Variants in DAXX observed in about 807,000 individuals in gnomAD.
DAXX encodes the protein death domain associated protein, also known as death domain-associated protein 6.
In DAXX, 24 loss-of-function variants were observed where a neutral mutation model predicts 61.9. The ratio of observed to expected loss-of-function variants is 0.39; its 90% CI spans 0.28 to 0.55. The LOEUF (loss-of-function observed/expected upper bound fraction) is 0.55, where lower values mean the gene tolerates loss of function less well. Among genes scored for constraint, DAXX ranks in the 20% least tolerant of loss-of-function variants. The probability of loss-of-function intolerance (pLI) is 0.69; values close to 1 mark genes in which losing one functional copy is unlikely to be tolerated. For synonymous variants in DAXX, 357 were observed against 369.5 expected (o/e 0.97, Z 0.39); for missense variants, 819 against 935.3 (o/e 0.88, Z 1.62).
At chr6:33,322,825 G>GC in intron 1 of DAXX, 37 bp downstream of exon 1, 1 of 552,296 alleles carries the variant, frequency 1.8e-6, no homozygotes. Context: ...CTATATCCCC[G>GC]CCCCCGCCTC....
At chr6:33,318,951 T>G (rs1295733720) in intron 7 of DAXX, 46 bp downstream of exon 7, 1 of 1,539,382 alleles carries the variant, frequency 6.5e-7, no homozygotes, top group Admixed American at 1.7e-5. Flanking sequence ...AAACAGCCAA[T>G]GAAAGAGAAC....
chr6:33,320,206 A>G lies in DAXX; in HGVS notation c.1270T>C (p.Ser424Pro). The G allele has an allele frequency of 1.2e-6, 2 of 1,610,618 alleles. No individual in the cohort carries two copies. Among genetic ancestry groups the G allele is most frequent in the Non-Finnish European group, 1.7e-6 (2 of 1,176,898 alleles). Residue 424 changes from serine (S) to proline (P), a missense_variant, in exon 5 of 8, where the codon TCC (serine) becomes CCC (proline). Coordinates refer to ENST00000374542, the MANE Select transcript of DAXX (RefSeq NM_001141969.2). The surrounding 1 kb of genome is among the most constrained non-coding windows in gnomAD (Gnocchi z 7.1). ...CTGGAGGCAGAAGGGCACCCCTGGG[A>G]TGCCATTCCACTAGGGCCCTGGGAG... is the stretch of plus-strand genomic sequence containing the variant. ...DSGEGPSGMA[S>P]QGCPSASRAE...
At position 33,321,186 on chromosome 6, in the gene DAXX, G is replaced by C. The variant is rs1426333886; in HGVS notation, c.589C>G (p.Leu197Val). The C allele has an allele frequency of 1.2e-6, 2 of 1,613,542 alleles. No homozygotes were observed. The highest frequency in any genetic ancestry group is 2.2e-5 in the South Asian group (2 of 91,078). The change falls in exon 3 of 8, where the codon CTC becomes GTC. Residue 197 changes from leucine to valine, a missense_variant. Coordinates refer to ENST00000374542, the MANE Select transcript of DAXX (RefSeq NM_001141969.2). This position sits in a 1 kb window ranked among gnomAD's most constrained non-coding sequence, Gnocchi z 7.2. ...AGCCGCCGGATCTCTGCCACATAGA[G>C]CGCCAGCAGCTGCTCCAAACGCTGG... ...QIQRLEQLLA[L>V]YVAEIRRLQE...
At position 33,321,627 on chromosome 6, in the gene DAXX, G is replaced by A; in HGVS notation, c.208-60C>T. On this transcript the variant is annotated intron_variant, in intron 2 of 7. Transcript: ENST00000374542. The surrounding 1 kb of genome is among the most constrained non-coding windows in gnomAD (Gnocchi z 7.2). Reference sequence around the variant, plus strand: ...AGACAAGGGAGGGGGTTGAGAGAAAGGGGAGGTGGGGTTAGTGGGAAAGAA... The same window carrying A: ...AGACAAGGGAGGGGGTTGAGAGAAAAGGGAGGTGGGGTTAGTGGGAAAGAA... 1 of 1,599,198 alleles carries A rather than the reference G, an allele frequency of 6.3e-7. No individual in the cohort carries two copies. Among genetic ancestry groups the A allele is most frequent in the Non-Finnish European group, 8.5e-7 (1 of 1,169,946 alleles).
At chr6:33,322,425 C>T (rs1770745064) in intron 1 of DAXX, among the ~76,000 whole-genome samples, 1 of 152,174 alleles carries the variant, frequency 6.6e-6, no homozygotes, top group Non-Finnish European at 1.5e-5. Context: ...AACTCCTAGA[C>T]TCTCTGAGGT....
chr6:33,319,526 G>A lies in DAXX; in HGVS notation c.1794C>T (p.Thr598=). 1 of 1,614,146 alleles carries A rather than the reference G, an allele frequency of 6.2e-7. No homozygotes were observed. Among genetic ancestry groups the A allele is most frequent in the Non-Finnish European group, 8.5e-7 (1 of 1,180,018 alleles). Reference sequence around the variant, plus strand: ...TGCCTGCTCCATTCTCTAAGACAGTGGTGAAGGGCTCCTCTGATTGCTTCC... The same window carrying A: ...TGCCTGCTCCATTCTCTAAGACAGTAGTGAAGGGCTCCTCTGATTGCTTCC... ...SSRKQSEEPF[T]TVLENGAGMV... The change falls in exon 6 of 8, where the codon ACC becomes ACT. Residue 598 remains threonine (T), a synonymous_variant. Transcript: ENST00000374542.
rs1320787172 is a variant in DAXX at position 33,321,040 on chromosome 6, G to A, written c.735C>T (p.Cys245=). 4.3e-6 allele frequency: 7 copies of A among 1,613,900 alleles called. No homozygotes were observed. The highest frequency in any genetic ancestry group is 5.1e-6 in the Non-Finnish European group (6 of 1,179,874). ...LFGRLCELKD[C]SSLTGRVIEQ... ...CTATGACACGGCCGGTCAGTGAAGA[G>A]CAGTCTTTCAGCTCACATAGTCGCC... Residue 245 remains cysteine, a synonymous_variant, in exon 3 of 8, where the codon TGC becomes TGT. Transcript: ENST00000374542. This position sits in a 1 kb window ranked among gnomAD's most constrained non-coding sequence, Gnocchi z 7.2.
rs1770645189 is a variant in DAXX at position 33,321,731 on chromosome 6, C to T, written c.195G>A (p.Lys65=). Reference sequence around the variant, plus strand: ...CGCTAAAGCTCACCTCTTCGAACAGCTTCTCATTCTCCAGCTTGTAGCATT... The same window carrying T: ...CGCTAAAGCTCACCTCTTCGAACAGTTTCTCATTCTCCAGCTTGTAGCATT... ...GKKCYKLENE[K]LFEEFLELCK... Residue 65 remains lysine, a synonymous_variant, in exon 2 of 8, where the codon AAG becomes AAA. Coordinates refer to ENST00000374542, the MANE Select transcript of DAXX (RefSeq NM_001141969.2). This position sits in a 1 kb window ranked among gnomAD's most constrained non-coding sequence, Gnocchi z 7.2. The T allele has an allele frequency of 6.2e-7, 1 of 1,613,404 alleles. No homozygotes were observed. The highest frequency in any genetic ancestry group is 8.5e-7 in the Non-Finnish European group (1 of 1,179,948).
chr6:33,322,769 C>A (rs1770787675), intron 1 of DAXX, 93 bp downstream of exon 1: 1 of 562,466 alleles, frequency 1.8e-6, no homozygotes. Context: ...GGTACCACAG[C>A]TTTCCCCTCA....
Position 33,321,580 on chromosome 6 carries a change from G to A in DAXX, c.208-13C>T, listed in dbSNP as rs770977918. 1.9e-6 allele frequency: 3 copies of A among 1,608,944 alleles called. No individual in the cohort carries two copies. The highest frequency in any genetic ancestry group is 2.6e-6 in the Non-Finnish European group (3 of 1,176,048). ...AAAGTTCAAGGAACTAGAAGGTTCA[G>A]GGGAAGAAGGAAGGGGAAGAGAGAC... On this transcript the variant is annotated splice_polypyrimidine_tract_variant and intron_variant, in intron 2 of 7. Coordinates refer to ENST00000374542, the MANE Select transcript of DAXX (RefSeq NM_001141969.2). The surrounding 1 kb of genome is among the most constrained non-coding windows in gnomAD (Gnocchi z 7.2).
In DAXX at chr6:33,319,373, T is replaced by C; in HGVS notation, c.1940+7A>G. 6.2e-7 allele frequency: 1 copy of C among 1,608,552 alleles called. No homozygotes were observed. The highest frequency in any genetic ancestry group is 8.5e-7 in the Non-Finnish European group (1 of 1,178,026). Reference sequence around the variant, plus strand: ...GGCTTCCCTCTTCCTCCTCCTCTTGTTATTACCTGTTTCCTAATGGCCCTG... The same window carrying C: ...GGCTTCCCTCTTCCTCCTCCTCTTGCTATTACCTGTTTCCTAATGGCCCTG... On this transcript the variant is annotated splice_region_variant and intron_variant, in intron 6 of 7. Coordinates refer to ENST00000374542, the MANE Select transcript of DAXX (RefSeq NM_001141969.2).
In DAXX at chr6:33,321,338, G is replaced by C; in HGVS notation, c.437C>G (p.Ala146Gly). 6.2e-7 allele frequency: 1 copy of C among 1,611,598 alleles called. No individual in the cohort carries two copies. Among genetic ancestry groups the C allele is most frequent in the Non-Finnish European group, 8.5e-7 (1 of 1,177,670 alleles). Reference protein sequence around the residue: ...AHSAKKKLNLAPAATTSNEPS... With the variant: ...AHSAKKKLNLGPAATTSNEPS... ...CTCATTGGAGGTGGTGGCGGCAGGG[G>C]CCAAGTTCAGCTTCTTTTTGGCTGA... The change falls in exon 3 of 8, where the codon GCC (alanine) becomes GGC (glycine). Residue 146 changes from alanine (A) to glycine (G), a missense_variant. Transcript: ENST00000374542. The surrounding 1 kb of genome is among the most constrained non-coding windows in gnomAD (Gnocchi z 7.2).
rs2150996470 is a variant in DAXX at position 33,321,235 on chromosome 6, C to A, written c.540G>T (p.Arg180Ser). 1 of 1,612,910 alleles carries A rather than the reference C, an allele frequency of 6.2e-7. No individual in the cohort carries two copies. Among genetic ancestry groups the A allele is most frequent in the Non-Finnish European group, 8.5e-7 (1 of 1,178,922 alleles). The change falls in exon 3 of 8, where the codon AGG becomes AGT. Residue 180 changes from arginine (R) to serine (S), a missense_variant. Arg to Ser is a moderately radical substitution (Grantham distance 110, BLOSUM62 -1). Transcript: ENST00000374542. This position sits in a 1 kb window ranked among gnomAD's most constrained non-coding sequence, Gnocchi z 7.2. Reference protein sequence around the residue: ...NAENTASQSPRTRGSRRQIQR... With the variant: ...NAENTASQSPSTRGSRRQIQR... ...GGATCTGCCGCCGGGAACCACGGGT[C>A]CTTGGAGACTGAGAGGCAGTGTTTT...
rs1770648711 is a variant in DAXX, at chr6:33,321,758, C to G, written c.168G>C (p.Lys56Asn). 6.2e-7 allele frequency: 1 copy of G among 1,613,600 alleles called. No homozygotes were observed. The highest frequency in any genetic ancestry group is 8.5e-7 in the Non-Finnish European group (1 of 1,179,922). The change falls in exon 2 of 8, where the codon AAG (lysine) becomes AAC (asparagine). Residue 56 changes from lysine to asparagine, a missense_variant. Transcript: ENST00000374542. This position sits in a 1 kb window ranked among gnomAD's most constrained non-coding sequence, Gnocchi z 7.2. ...GARGSSSSGG[K>N]KCYKLENEKL... Reference sequence around the variant, plus strand: ...TCTCATTCTCCAGCTTGTAGCATTTCTTGCCGCCCGAACTACTGCTTCCTC... The same window carrying G: ...TCTCATTCTCCAGCTTGTAGCATTTGTTGCCGCCCGAACTACTGCTTCCTC...
chr6:33,320,049 TCCTCCTGAC>T lies in DAXX; in HGVS notation c.1418_1426del (p.Gly473_Glu475del), dbSNP rs780938451. ...TTCCTCTTCGTCCTCCTCTTCATCA[TCCTCCTGAC>T]CCTCCTGCATCTGTTCCAGATCCTC... On this transcript the variant is annotated inframe_deletion, in exon 5 of 8. Transcript: ENST00000374542. The surrounding 1 kb of genome is among the most constrained non-coding windows in gnomAD (Gnocchi z 7.1). The T allele has an allele frequency of 1.1e-5, 17 of 1,613,438 alleles. No homozygotes were observed. Among genetic ancestry groups the T allele is most frequent in the African/African-American group, 4.0e-5 (3 of 75,024 alleles).
chr6:33,320,538 G>T lies in DAXX; in HGVS notation c.1093C>A (p.Arg365=). ...PVLARRLREN[R]SLAMSRLDEV... is the part of the protein sequence containing the mutation. ...TCCAGCCGACTCATGGCCAAACTCC[G>T]GTTTTCCCGAAGGCGCCGGGCCAAC... The change falls in exon 4 of 8, where the codon CGG becomes AGG. Residue 365 remains arginine, a synonymous_variant. Transcript: ENST00000374542. The surrounding 1 kb of genome is among the most constrained non-coding windows in gnomAD (Gnocchi z 7.1). The T allele has an allele frequency of 6.2e-7, 1 of 1,614,008 alleles. No homozygotes were observed. Among genetic ancestry groups the T allele is most frequent in the Non-Finnish European group, 8.5e-7 (1 of 1,180,004 alleles).
rs559461877 is a variant in DAXX at position 33,322,914 on chromosome 6, T to G, written c.-105A>C. On this transcript the variant is annotated 5_prime_UTR_variant, in exon 1 of 8. The change abolishes an upstream ATG in the 5' untranslated region. Coordinates refer to ENST00000374542, the MANE Select transcript of DAXX (RefSeq NM_001141969.2). ...TCGCCGCAATTCTCAGAACCTCGCA[T>G]GGTTCCCTCCGCCTTCCTTCCCACT... 2.0e-5 allele frequency: 28 copies of G among 1,409,640 alleles called. No homozygotes were observed. The highest frequency in any genetic ancestry group is 2.6e-5 in the Non-Finnish European group (27 of 1,044,642). The allele number at this position is 1,409,640 out of a possible 1,614,324, so 87.3% of individuals were successfully genotyped here. A position where few individuals can be genotyped will look rare whatever the true frequency, so the allele number is the denominator to read the frequency against.
Position 33,320,246 on chromosome 6 carries a change from C to T in DAXX, c.1252-22G>A. The T allele has an allele frequency of 1.3e-6, 2 of 1,573,034 alleles. No individual in the cohort carries two copies. Among genetic ancestry groups the T allele is most frequent in the Non-Finnish European group, 8.7e-7 (1 of 1,142,936 alleles). ...GGCCCTGGGAGACAAAGAAGTTTCT[C>T]TAAGGAATCCCTTGCCCCAGAGGGT... is the stretch of plus-strand genomic sequence containing the variant. On this transcript the variant is annotated intron_variant, in intron 4 of 7. Transcript: ENST00000374542. This position sits in a 1 kb window ranked among gnomAD's most constrained non-coding sequence, Gnocchi z 7.1.
chr6:33,321,292 G>A lies in DAXX; in HGVS notation c.483C>T (p.Pro161=), dbSNP rs774626671. 58 of 1,612,666 alleles carry A rather than the reference G, an allele frequency of 3.6e-5. 2 individuals carry two copies. The South Asian group carries it at 5.9e-4, about 16-fold the overall frequency. ...TSNEPSGNNP[P]THLSLDPTNA... ...TTGTGGGGTCCAAGGAGAGGTGTGT[G>A]GGAGGGTTATTCCCAGAGGGCTCAT... The change falls in exon 3 of 8, where the codon CCC becomes CCT. Residue 161 remains proline (P), a synonymous_variant. Coordinates refer to ENST00000374542, the MANE Select transcript of DAXX (RefSeq NM_001141969.2). This position sits in a 1 kb window ranked among gnomAD's most constrained non-coding sequence, Gnocchi z 7.2.
Sources: gnomAD v4.1 joint callset for allele counts (sites outside exome capture counted in the v4.1 genomes callset) on GRCh38, gnomAD v4.1.1 for gene constraint, Gnocchi (gnomAD v3.1) non-coding constraint, MANE v1.5 for transcripts, NCBI Gene and HGNC (gene_info 2026-07-23, HGNC 2026-07-21) for gene names.